Variants in COG5 observed in about 807,000 individuals in gnomAD.
COG5 encodes the protein conserved oligomeric Golgi complex subunit 5.
Under a neutral mutation model 110.4 loss-of-function variants are expected in COG5, and 86 were observed. The observed-to-expected ratio is 0.78, with a 90% confidence interval of 0.65 to 0.93. The LOEUF is 0.93. Ranked by LOEUF, COG5 falls within the 40% of genes least tolerant of loss-of-function variation. The pLI is 0.00. For missense variants in COG5, 1,077 were observed against 987.0 expected (o/e 1.09, Z -1.22); for synonymous variants, 360 against 334.6 (o/e 1.08, Z -0.83).
At chr7:107,508,380 C>G (rs139208912) in intron 6 of COG5, among the ~76,000 whole-genome samples, 2,053 of 152,284 alleles carry the variant, frequency 0.013, 52 homozygotes, top group African/African-American at 0.045. Flanking sequence ...AAAGCAGCCC[C>G]GAAGCTCCAA....
intron 17 of COG5, among the ~76,000 whole-genome samples, chr7:107,243,728 TCAC>T (rs1407201546): frequency 1.4e-5 from 2 of 145,818 alleles, no homozygotes; most frequent in East Asian, 2.0e-4. Context: ...ATTCTTCTCA[TCAC>T]CACGTCACAT....
intron 17 of COG5, among the ~76,000 whole-genome samples, chr7:107,247,931 G>C (rs530187646): frequency 2.6e-5 from 4 of 152,286 alleles, no homozygotes; most frequent in African/African-American, 9.6e-5. Context: ...GCCAAAGCAG[G>C]ATTTGGACTA....
At chr7:107,218,962 A>G (rs1245340174) in intron 19 of COG5, among the ~76,000 whole-genome samples, 1 of 152,128 alleles carries the variant, frequency 6.6e-6, no homozygotes, top group Non-Finnish European at 1.5e-5. Context: ...TCTGATAAGA[A>G]GCTAACATTC....
chr7:107,273,274 G>A (rs914175077), intron 14 of COG5, among the ~76,000 whole-genome samples: 1 of 152,092 alleles, frequency 6.6e-6, no homozygotes, highest in African/African-American at 2.4e-5. Flanking sequence ...GTTTTCTTTC[G>A]ATCTTATTAT....
intron 14 of COG5, chr7:107,258,701 G>A (rs1803081593): frequency 3.3e-6 from 1 of 305,598 alleles, no homozygotes; most frequent in Admixed American, 4.6e-5. Flanking sequence ...AATGCCCCAT[G>A]TGTGCTATTA....
chr7:107,349,712 C>A (rs531962055), intron 10 of COG5, among the ~76,000 whole-genome samples: 2 of 152,282 alleles, frequency 1.3e-5, no homozygotes, highest in South Asian at 4.1e-4. Flanking sequence ...CGCCGGCCAC[C>A]ACGCCCGGCT....
chr7:107,563,543 A>AGGGGGGGGG (rs1491334770), intron 1 of COG5: 1 of 311,018 alleles, frequency 3.2e-6, no homozygotes, highest in Non-Finnish European at 5.7e-6. Flanking sequence ...AGCTGGAGGC[A>AGGGGGGGGG]TGGGGGGGGG....
chr7:107,323,989 T>C (rs1809537530), intron 11 of COG5, among the ~76,000 whole-genome samples: 1 of 152,202 alleles, frequency 6.6e-6, no homozygotes, highest in East Asian at 1.9e-4. Flanking sequence ...GACCAACTTT[T>C]AATTCACGAT....
At chr7:107,481,650 T>C (rs1230484091) in intron 6 of COG5, among the ~76,000 whole-genome samples, 4 of 152,048 alleles carry the variant, frequency 2.6e-5, no homozygotes, top group Non-Finnish European at 4.4e-5. Flanking sequence ...TTAGGACAGG[T>C]TGAAATATAA....
intron 14 of COG5, among the ~76,000 whole-genome samples, chr7:107,269,658 TTTC>T (rs981520754): frequency 7.9e-5 from 12 of 152,302 alleles, no homozygotes; most frequent in East Asian, 1.9e-4. Context: ...GTCACTATTA[TTTC>T]TTATTTTATG....
chr7:107,363,225 T>A (rs1813282178), intron 8 of COG5, among the ~76,000 whole-genome samples: 1 of 152,202 alleles, frequency 6.6e-6, no homozygotes, highest in Non-Finnish European at 1.5e-5. Context: ...AATTTTGATT[T>A]CTAAGACCAT....
intron 19 of COG5, among the ~76,000 whole-genome samples, chr7:107,225,595 T>A (rs960979535): frequency 1.1e-4 from 17 of 152,182 alleles, no homozygotes; most frequent in Non-Finnish European, 7.4e-5. Flanking sequence ...GCTCACTGCA[T>A]CCTTGACCTC....
At chr7:107,504,363 C>A (rs1178635119) in intron 6 of COG5, among the ~76,000 whole-genome samples, 1 of 152,092 alleles carries the variant, frequency 6.6e-6, no homozygotes, top group Non-Finnish European at 1.5e-5. Context: ...GATCACCATG[C>A]ATTATCTTTT....
chr7:107,306,073 C>T (rs1807689588), intron 11 of COG5, among the ~76,000 whole-genome samples: 1 of 152,062 alleles, frequency 6.6e-6, no homozygotes, highest in Non-Finnish European at 1.5e-5. Context: ...AAGTCAAATA[C>T]TAAGGGCCAT....
At chr7:107,404,102 T>A (rs1791635346) in intron 7 of COG5, among the ~76,000 whole-genome samples, 1 of 152,138 alleles carries the variant, frequency 6.6e-6, no homozygotes, top group African/African-American at 2.4e-5. Flanking sequence ...TTTTTAGTGT[T>A]ATTAAATACT....
At chr7:107,270,659 T>C (rs1401617632) in intron 14 of COG5, among the ~76,000 whole-genome samples, 1 of 151,920 alleles carries the variant, frequency 6.6e-6, no homozygotes, top group Non-Finnish European at 1.5e-5. Flanking sequence ...CTTTACTCCT[T>C]CATTTTCTCC....
intron 10 of COG5, among the ~76,000 whole-genome samples, chr7:107,324,892 T>G (rs1809633686): frequency 6.6e-6 from 1 of 152,178 alleles, no homozygotes; most frequent in South Asian, 2.1e-4. Flanking sequence ...ATAAACTCAA[T>G]GAATGTTAGC....
chr7:107,435,855 C>T (rs77200734), intron 6 of COG5, among the ~76,000 whole-genome samples: 14 of 152,180 alleles, frequency 9.2e-5, no homozygotes, highest in African/African-American at 3.4e-4. Context: ...ATATTCATAG[C>T]AGCAATATTC....
rs558819194 is a variant in COG5, at chr7:107,538,252, T to C, written c.417+9859A>G. ...AAGATTAGGGCAGGGCGGCCAGCTT[T>C]TTCACATGCTATGCAAGTGGCACAC... On this transcript the variant is annotated intron_variant, in intron 5 of 21. Transcript: ENST00000297135. 5.3e-5 allele frequency among the ~76,000 whole-genome samples: 8 copies of C among 152,338 alleles called. No homozygotes were observed. The East Asian group carries it at 1.3e-3, about 26-fold the overall frequency.
Sources: allele counts gnomAD v4.1 joint callset (sites outside exome capture counted in the v4.1 genomes callset), GRCh38; gene constraint gnomAD v4.1.1; transcripts MANE v1.5; gene names NCBI Gene and HGNC (gene_info 2026-07-23, HGNC 2026-07-21).